The following PCMT1 variants were observed in gnomAD, a reference collection of about 807,000 sequenced individuals.
PCMT1 encodes protein-L-isoaspartate(D-aspartate) O-methyltransferase.
PCMT1 carries 9 observed loss-of-function variants against 29.2 expected under a neutral mutation model. That is an observed-to-expected ratio of 0.31 (90% confidence interval 0.19 to 0.54). The LOEUF (loss-of-function observed/expected upper bound fraction) is 0.54, where lower values mean the gene tolerates loss of function less well. PCMT1 is among the 20% of genes least tolerant of loss of function. The probability of loss-of-function intolerance (pLI) is 0.95; values close to 1 mark genes in which losing one functional copy is unlikely to be tolerated. For missense variants in PCMT1, 184 were observed against 282.2 expected (o/e 0.65, Z 2.49); for synonymous variants, 98 against 97.5 (o/e 1.00, Z -0.03).
chr6:149,800,679 C>T (rs1775801090), intron 6 of PCMT1, among the ~76,000 whole-genome samples: 1 of 152,252 alleles, frequency 6.6e-6, no homozygotes, highest in African/African-American at 2.4e-5. Context: ...GGGACTCCAG[C>T]CCTACCTTCC....
At chr6:149,762,576 C>A (rs868611176) in intron 1 of PCMT1, among the ~76,000 whole-genome samples, 4 of 83,340 alleles carry the variant, frequency 4.8e-5, no homozygotes, top group Admixed American at 1.5e-4. Flanking sequence ...ATATATATAT[C>A]TATGATATAT....
intron 2 of PCMT1, among the ~76,000 whole-genome samples, chr6:149,771,752 A>G (rs537170250): frequency 5.2e-4 from 79 of 152,244 alleles, no homozygotes; most frequent in African/African-American, 1.9e-3. Flanking sequence ...TCCTGAGCTC[A>G]GGCAAACCAC....
chr6:149,759,887 A>G (rs899897841), intron 1 of PCMT1, among the ~76,000 whole-genome samples: 4 of 152,184 alleles, frequency 2.6e-5, no homozygotes, highest in African/African-American at 9.7e-5. Flanking sequence ...TAGATCATAT[A>G]TCTTAGAATA....
At chr6:149,766,871 C>T (rs1787107095) in intron 1 of PCMT1, among the ~76,000 whole-genome samples, 1 of 152,126 alleles carries the variant, frequency 6.6e-6, no homozygotes, top group Admixed American at 6.6e-5. Flanking sequence ...AAAATGGAAT[C>T]ATGTAGTCTC....
chr6:149,764,121 G>C (rs1467201017), intron 1 of PCMT1, among the ~76,000 whole-genome samples: 1 of 152,114 alleles, frequency 6.6e-6, no homozygotes. Flanking sequence ...TAATTTCAGG[G>C]GAAATGAACC....
intron 1 of PCMT1, among the ~76,000 whole-genome samples, chr6:149,766,508 G>T (rs1583015285): frequency 2.0e-5 from 3 of 152,182 alleles, no homozygotes; most frequent in Admixed American, 2.0e-4. Flanking sequence ...TCATTATGAT[G>T]TGGAACATGG....
chr6:149,784,590 G>C (rs866757992), intron 3 of PCMT1, among the ~76,000 whole-genome samples: 3 of 151,282 alleles, frequency 2.0e-5, no homozygotes, highest in African/African-American at 7.3e-5. Flanking sequence ...TCAGCCTCTC[G>C]AGTAGCTGGG....
chr6:149,773,093 AT>A (rs765759499), intron 2 of PCMT1, 44 bp from the exon 3 acceptor site: 10 of 1,489,622 alleles, frequency 6.7e-6, no homozygotes, highest in Non-Finnish European at 9.3e-6. Context: ...GAAATAGTAT[AT>A]TTTTACAGCT....
At chr6:149,763,664 T>A (rs373804758) in intron 1 of PCMT1, among the ~76,000 whole-genome samples, 6 of 152,182 alleles carry the variant, frequency 3.9e-5, no homozygotes, top group African/African-American at 1.4e-4. Context: ...ATTTTTAGAA[T>A]GTGCCTCAAG....
At chr6:149,785,866 T>C (rs1263665429) in intron 3 of PCMT1, among the ~76,000 whole-genome samples, 3 of 152,186 alleles carry the variant, frequency 2.0e-5, no homozygotes. Context: ...CTTTCCCCCC[T>C]TTCTATTCCA....
chr6:149,753,169 A>T lies in PCMT1; in HGVS notation c.55+3213A>T, dbSNP rs552768903. Among the ~76,000 whole-genome samples the T allele has an allele frequency of 2.4e-4, 36 of 152,304 alleles. No homozygotes were observed. The Middle Eastern group carries it at 0.01, about 43-fold the overall frequency. On this transcript the variant is annotated intron_variant, in intron 1 of 7. Coordinates refer to ENST00000464889, the MANE Select transcript of PCMT1 (RefSeq NM_001360452.2). ...CTCATGTGAAAATTGTAATTGACATAAAATTTGAAAATATTGCCTTCCTTC... is the reference window on the plus strand; with the variant it reads ...CTCATGTGAAAATTGTAATTGACATTAAATTTGAAAATATTGCCTTCCTTC...
rs911866703 is a variant in PCMT1 at position 149,810,703 on chromosome 6, A to T, written c.*125A>T. ...AGTCCTCAAAGCTTTTTGAAAACCA[A>T]CACCATCACAGCTTGTTTTGGACTT... is the stretch of plus-strand genomic sequence containing the variant. On this transcript the variant is annotated 3_prime_UTR_variant, in exon 8 of 8. Coordinates refer to ENST00000464889, the MANE Select transcript of PCMT1 (RefSeq NM_001360452.2). 1 of 1,081,584 alleles carries T rather than the reference A, an allele frequency of 9.2e-7. No individual in the cohort carries two copies. The highest frequency in any genetic ancestry group is 2.1e-5 in the Admixed American group (1 of 48,264). 67.0% of individuals were successfully genotyped at this position (1,081,584 alleles called of 1,614,324 possible). A position where few individuals can be genotyped will look rare whatever the true frequency, so the allele number is the denominator to read the frequency against.
intron 3 of PCMT1, among the ~76,000 whole-genome samples, chr6:149,784,550 G>A (rs753298017): frequency 1.3e-4 from 20 of 151,144 alleles, no homozygotes; most frequent in East Asian, 1.9e-4. Flanking sequence ...AGCTCACTGC[G>A]GCCTGCTGGG....
At chr6:149,763,733 A>G (rs1287856458) in intron 1 of PCMT1, among the ~76,000 whole-genome samples, 4 of 152,168 alleles carry the variant, frequency 2.6e-5, no homozygotes, top group Admixed American at 2.6e-4. Context: ...AATACAGTGA[A>G]TATGATGATG....
Position 149,776,427 on chromosome 6 carries a change from T to A in PCMT1, c.192+3258T>A, listed in dbSNP as rs563296669. Among the ~76,000 whole-genome samples the A allele has an allele frequency of 2.2e-4, 34 of 152,072 alleles. No individual in the cohort carries two copies. The East Asian group carries it at 6.4e-3, about 29-fold the overall frequency. On this transcript the variant is annotated intron_variant, in intron 3 of 7. Coordinates refer to ENST00000464889, the MANE Select transcript of PCMT1 (RefSeq NM_001360452.2). ...CTACCATGCCCGGCTAATTTTTGTA[T>A]TTTTAGTAGAGATGGGGTTTCGCCA...
In PCMT1 at chr6:149,808,223, G is replaced by A. The variant is rs151086762; in HGVS notation, c.*38-2393G>A. The stretch of plus-strand genomic sequence containing the variant: ...TTATATACTAGTAGAAATATATACA[G>A]TTATTAACCTAATGAATATATTTAG... On this transcript the variant is annotated intron_variant, in intron 7 of 7. Coordinates refer to ENST00000464889, the MANE Select transcript of PCMT1 (RefSeq NM_001360452.2). 4.8e-3 allele frequency among the ~76,000 whole-genome samples: 723 copies of A among 152,026 alleles called. 5 individuals carry two copies. Among genetic ancestry groups the A allele is most frequent in the African/African-American group, 0.016 (684 of 41,526 alleles).
intron 4 of PCMT1, 142 bp from the exon 5 acceptor site, chr6:149,793,405 TGA>T (rs1449397010): frequency 2.0e-6 from 1 of 498,244 alleles, no homozygotes; most frequent in Non-Finnish European, 3.2e-6. Flanking sequence ...TATGATAAAC[TGA>T]GTGTTTAGCA....
intron 2 of PCMT1, chr6:149,771,965 A>G (rs1012533181): frequency 2.2e-6 from 1 of 456,294 alleles, no homozygotes; most frequent in African/African-American, 2.0e-5. Context: ...GTTATTAATG[A>G]CTTCTCTGCT....
chr6:149,795,552 C>T (rs948061094), intron 5 of PCMT1: 29 of 491,706 alleles, frequency 5.9e-5, no homozygotes, highest in Non-Finnish European at 8.5e-5. Flanking sequence ...TGGATCTGGC[C>T]GAGAACACAA....
Sources: allele counts gnomAD v4.1 joint callset (sites outside exome capture counted in the v4.1 genomes callset), GRCh38; gene constraint gnomAD v4.1.1; transcripts MANE v1.5; gene names NCBI Gene and HGNC (gene_info 2026-07-23, HGNC 2026-07-21).